GRIA3: variants seen among roughly 807,000 people sequenced by gnomAD.
The protein encoded by GRIA3 is glutamate ionotropic receptor AMPA type subunit 3.
GRIA3 carries 3 observed loss-of-function variants against 63.0 expected under a neutral mutation model. The observed-to-expected ratio is 0.05, with a 90% CI of 0.02 to 0.12. The LOEUF (loss-of-function observed/expected upper bound fraction) is 0.12. Ranked by LOEUF, GRIA3 falls within the 10% of genes least tolerant of loss-of-function variation. GRIA3 has a pLI of 1.00. For missense variants in GRIA3, 347 were observed against 700.9 expected (o/e 0.50, Z 5.70); for synonymous variants, 274 against 257.9 (o/e 1.06, Z -0.60).
At chrX:123,321,112 G>A (rs761107001) in intron 3 of GRIA3, among the ~76,000 whole-genome samples, 1 of 111,916 alleles carries the variant, frequency 8.9e-6, no homozygotes, top group South Asian at 3.8e-4. Context: ...GTTTTCATGG[G>A]CCACTTAAAG....
intron 5 of GRIA3, among the ~76,000 whole-genome samples, chrX:123,367,143 G>T (rs2045215556): frequency 8.9e-6 from 1 of 111,735 alleles, no homozygotes; most frequent in African/African-American, 3.2e-5. Context: ...TTGTTTTCAA[G>T]CAGAAAATGA....
chrX:123,229,828 A>T (rs1011032307), intron 2 of GRIA3, among the ~76,000 whole-genome samples: 3 of 110,124 alleles, frequency 2.7e-5, no homozygotes, highest in African/African-American at 1.0e-4. Context: ...ACTTATATGG[A>T]CCTGAATTGA....
rs1418740765 is a variant in GRIA3 at position 123,404,190 on chromosome X, T to C, written c.1294-518T>C. 2.7e-5 allele frequency among the ~76,000 whole-genome samples: 3 copies of C among 111,559 alleles called. No individual in the cohort carries two copies. In the Admixed American group the frequency reaches 2.9e-4, roughly 11 times the overall value. On this transcript the variant is annotated intron_variant, in intron 9 of 15. Coordinates refer to ENST00000620443, the MANE Select transcript of GRIA3 (RefSeq NM_007325.5). ...ATGACTAACTGAATGGAGACTAGGC[T>C]GAAGTTTGCCTTTCATCTAAGCATA...
chrX:123,261,832 C>G (rs886068053), intron 3 of GRIA3, among the ~76,000 whole-genome samples: 3 of 111,633 alleles, frequency 2.7e-5, no homozygotes, highest in Admixed American at 1.9e-4. Flanking sequence ...CTCTAGCCCC[C>G]CTACAATGCA....
At chrX:123,476,401 G>A (rs2045887346) in intron 13 of GRIA3, among the ~76,000 whole-genome samples, 1 of 111,597 alleles carries the variant, frequency 9.0e-6, no homozygotes, top group South Asian at 3.8e-4. Flanking sequence ...AATACCTTCA[G>A]TTGGTTAGGA....
At position 123,253,520 on chromosome X, in the gene GRIA3, G is replaced by C; in HGVS notation, c.486G>C (p.Val162=). The change falls in exon 3 of 16, where the codon GTG becomes GTC. Residue 162 remains valine (V), a synonymous_variant. Transcript: ENST00000620443. ...LLGHYKWEKF[V]YLYDTERGFS... is the part of the protein sequence containing the mutation. ...GTCATTACAAGTGGGAGAAGTTTGT[G>C]TACCTCTATGACACAGAACGAGGTA... 8.3e-7 allele frequency: 1 copy of C among 1,206,820 alleles called. No homozygotes were observed. The highest frequency in any genetic ancestry group is 1.1e-6 in the Non-Finnish European group (1 of 891,365).
chrX:123,487,304 A>T (rs539441940), intron 15 of GRIA3, among the ~76,000 whole-genome samples: 3 of 112,950 alleles, frequency 2.7e-5, no homozygotes, highest in East Asian at 5.5e-4. Flanking sequence ...ATATTTTTGA[A>T]ATCTCTGTCC....
chrX:123,343,047 G>T lies in GRIA3; in HGVS notation c.697-11863G>T, dbSNP rs941533059. ...AGCTCTATCATTTTCAGCCTGTGAG[G>T]CATGAGACAAATTATCCAACCTCTC... On this transcript the variant is annotated intron_variant, in intron 4 of 15. Coordinates refer to ENST00000620443, the MANE Select transcript of GRIA3 (RefSeq NM_007325.5). Among the ~76,000 whole-genome samples the T allele has an allele frequency of 9.0e-5, 10 of 111,485 alleles. 1 individual carries two copies. In the East Asian group the frequency reaches 2.8e-3, roughly 31 times the overall value.
intron 5 of GRIA3, among the ~76,000 whole-genome samples, chrX:123,383,082 A>G (rs1442746492): frequency 8.9e-6 from 1 of 112,131 alleles, no homozygotes; most frequent in Non-Finnish European, 1.9e-5. Context: ...CAATTTTCTT[A>G]TGTAATATTT....
chrX:123,477,735 C>A (rs1189120426), intron 13 of GRIA3, among the ~76,000 whole-genome samples: 3 of 111,988 alleles, frequency 2.7e-5, no homozygotes, highest in Non-Finnish European at 5.6e-5. Context: ...TGATAAATTT[C>A]TTTTGAAACT....
chrX:123,444,109 C>A (rs2045690507), intron 12 of GRIA3, among the ~76,000 whole-genome samples: 1 of 111,180 alleles, frequency 9.0e-6, no homozygotes, highest in Non-Finnish European at 1.9e-5. Context: ...AACTCTTAAC[C>A]TTTAGCCAAA....
intron 4 of GRIA3, among the ~76,000 whole-genome samples, chrX:123,340,254 G>C (rs1002155306): frequency 1.2e-4 from 14 of 112,573 alleles, no homozygotes; most frequent in African/African-American, 4.2e-4. Context: ...TACTAAACCA[G>C]AGAGATAAAA....
At chrX:123,427,389 GT>G (rs201066714) in intron 11 of GRIA3, among the ~76,000 whole-genome samples, 15 of 110,169 alleles carry the variant, frequency 1.4e-4, no homozygotes, top group African/African-American at 4.6e-4. Flanking sequence ...CTGGGCATGA[GT>G]TTTTTTTTAA....
At chrX:123,246,472 C>A (rs1053609277) in intron 2 of GRIA3, among the ~76,000 whole-genome samples, 2 of 111,609 alleles carry the variant, frequency 1.8e-5, no homozygotes, top group Admixed American at 9.5e-5. Flanking sequence ...TTCCACTTTT[C>A]AAGCTAGCAA....
intron 3 of GRIA3, among the ~76,000 whole-genome samples, chrX:123,293,459 T>C (rs998151524): frequency 4.5e-5 from 5 of 110,888 alleles, no homozygotes; most frequent in Admixed American, 9.7e-5. Flanking sequence ...AAAGTGTTCA[T>C]TGATACTCCT....
chrX:123,199,195 G>A (rs1330401410), intron 2 of GRIA3, among the ~76,000 whole-genome samples: 1 of 110,473 alleles, frequency 9.1e-6, no homozygotes, highest in African/African-American at 3.3e-5. Flanking sequence ...CCAGAACAAA[G>A]GTTAACTAGC....
chrX:123,322,998 T>C (rs1459786920), intron 3 of GRIA3, among the ~76,000 whole-genome samples: 1 of 112,659 alleles, frequency 8.9e-6, no homozygotes, highest in African/African-American at 3.2e-5. Context: ...GTATGCAGCC[T>C]ACAAAGGAGC....
intron 15 of GRIA3, among the ~76,000 whole-genome samples, chrX:123,483,931 C>CA (rs11376460): frequency 0.36 from 37,862 of 104,218 alleles, 5,550 homozygotes; most frequent in South Asian, 0.51. Flanking sequence ...GACTCCATCT[C>CA]AAAAAAAAAA....
At chrX:123,361,904 T>C (rs917116892) in intron 5 of GRIA3, among the ~76,000 whole-genome samples, 1 of 111,833 alleles carries the variant, frequency 8.9e-6, no homozygotes, top group Admixed American at 9.5e-5. Flanking sequence ...CAAAAATAAA[T>C]TACTTAAAAA....
Sources: allele counts gnomAD v4.1 joint callset (sites outside exome capture counted in the v4.1 genomes callset), GRCh38; gene constraint gnomAD v4.1.1; transcripts MANE v1.5; gene names NCBI Gene and HGNC (gene_info 2026-07-23, HGNC 2026-07-21).